PDIA3: variants seen among roughly 807,000 people sequenced by gnomAD.
The protein encoded by PDIA3 is protein disulfide isomerase family A member 3, also known as protein disulfide-isomerase A3.
PDIA3 carries 16 observed loss-of-function variants against 56.9 expected under a neutral mutation model. The observed-to-expected ratio is 0.28, with a 90% CI of 0.19 to 0.43. The LOEUF (loss-of-function observed/expected upper bound fraction) is 0.43. Among genes scored for constraint, PDIA3 ranks in the 20% least tolerant of loss-of-function variants. The probability of loss-of-function intolerance (pLI) is 1.00; values close to 1 mark genes in which losing one functional copy is unlikely to be tolerated. For synonymous variants in PDIA3, 192 were observed against 216.5 expected (o/e 0.89, Z 0.99); for missense variants, 485 against 621.3 (o/e 0.78, Z 2.33).
At position 43,765,970 on chromosome 15, in the gene PDIA3, A is replaced by G. The variant is rs2086845330; in HGVS notation, c.803A>G (p.Asp268Gly). ...TTACTTATTGCTTACTATGATGTGG[A>G]CTATGAAAAGAACGCTAAAGGTTCC... Reference protein sequence around the residue: ...KDLLIAYYDVDYEKNAKGSNY... With the variant: ...KDLLIAYYDVGYEKNAKGSNY... Residue 268 changes from aspartate to glycine, a missense_variant, in exon 7 of 13, where the codon GAC becomes GGC. Transcript: ENST00000300289. 1 of 1,613,448 alleles carries G rather than the reference A, an allele frequency of 6.2e-7. No homozygotes were observed. Among genetic ancestry groups the G allele is most frequent in the Admixed American group, 1.7e-5 (1 of 59,966 alleles).
Position 43,773,210 on chromosome 15 carries a change from CTG to C in PDIA3, c.*1994_*1995del. 1 of 1,613,962 alleles carries C rather than the reference CTG, an allele frequency of 6.2e-7. No homozygotes were observed. Among genetic ancestry groups the C allele is most frequent in the Non-Finnish European group, 8.5e-7 (1 of 1,179,976 alleles). ...GTACTCACAGCGACGCTTTTCTTCT[CTG>C]TAACTTGGGTACTGCTGCAGAGAAA... On this transcript the variant is annotated 3_prime_UTR_variant, in exon 13 of 13. Transcript: ENST00000300289.
intron 1 of PDIA3, among the ~76,000 whole-genome samples, chr15:43,753,139 G>A (rs1407222004): frequency 2.0e-5 from 3 of 150,280 alleles, no homozygotes; most frequent in African/African-American, 7.4e-5. Flanking sequence ...GTGCAGTGGC[G>A]CGATGTCAGC....
Position 43,769,756 on chromosome 15 carries a change from T to C in PDIA3, c.1266+110T>C, listed in dbSNP as rs1448996011. 25 of 1,187,398 alleles carry C rather than the reference T, an allele frequency of 2.1e-5. No homozygotes were observed. In the African/African-American group the frequency reaches 2.4e-4, roughly 11 times the overall value. 73.6% of individuals were successfully genotyped at this position (1,187,398 alleles called of 1,614,324 possible). On this transcript the variant is annotated intron_variant, in intron 10 of 12. Transcript: ENST00000300289. ...GTTCCTAAGTACTGATAGATTTTTT[T>C]CCCAATTACTTGCTGTTTACTCACT...
rs966045103 is a variant in PDIA3, at chr15:43,760,859, C to T, written c.365-565C>T. Among the ~76,000 whole-genome samples the T allele has an allele frequency of 5.3e-5, 8 of 151,116 alleles. No individual in the cohort carries two copies. The South Asian group carries it at 1.0e-3, about 20-fold the overall frequency. On this transcript the variant is annotated intron_variant, in intron 3 of 12. Coordinates refer to ENST00000300289, the MANE Select transcript of PDIA3 (RefSeq NM_005313.5). Reference sequence around the variant, plus strand: ...AAAACTTTTTAATAATAATAAAAAACGCTATGCCACTGTAATAAAAGGTTG... The same window carrying T: ...AAAACTTTTTAATAATAATAAAAAATGCTATGCCACTGTAATAAAAGGTTG...
At chr15:43,765,374 C>A in intron 5 of PDIA3, 76 bp from the exon 6 acceptor site, 1 of 846,568 alleles carries the variant, frequency 1.2e-6, no homozygotes, top group Non-Finnish European at 2.0e-6. Context: ...GAGCGAAACC[C>A]TATCTCAAAA....
chr15:43,748,755 T>G (rs555147259), intron 1 of PDIA3, among the ~76,000 whole-genome samples: 354 of 147,164 alleles, frequency 2.4e-3, no homozygotes, highest in Non-Finnish European at 3.4e-3. Flanking sequence ...TACATTTTTT[T>G]TGTGTGTGTG....
rs766591422 is a variant in PDIA3 at position 43,773,198 on chromosome 15, C to T, written c.*1980C>T. 1.4e-5 allele frequency: 22 copies of T among 1,613,764 alleles called. No homozygotes were observed. The Admixed American group carries it at 1.8e-4, about 13-fold the overall frequency. On this transcript the variant is annotated 3_prime_UTR_variant, in exon 13 of 13. Coordinates refer to ENST00000300289, the MANE Select transcript of PDIA3 (RefSeq NM_005313.5). ...TTTCTGGTGAAGGTACTCACAGCGA[C>T]GCTTTTCTTCTCTGTAACTTGGGTA...
At chr15:43,768,326 C>T (rs748397715) in intron 8 of PDIA3, among the ~76,000 whole-genome samples, 163 bp from the exon 9 acceptor site, 3 of 152,154 alleles carry the variant, frequency 2.0e-5, no homozygotes, top group Admixed American at 6.6e-5. Flanking sequence ...ATAAAAGGAA[C>T]GGTTTGTTTC....
rs755068546 is a variant in PDIA3, at chr15:43,763,093, A to C, written c.489A>C (p.Ser163=). Reference sequence around the variant, plus strand: ...TCTGTATAGGTTTTTTCGATGATTCATTCAGTGAGGCTCACTCCGAGTTCC... The same window carrying C: ...TCTGTATAGGTTTTTTCGATGATTCCTTCAGTGAGGCTCACTCCGAGTTCC... ...DASIVGFFDD[S]FSEAHSEFLK... The change falls in exon 5 of 13, where the codon TCA becomes TCC. Residue 163 remains serine, a synonymous_variant. Transcript: ENST00000300289. The C allele has an allele frequency of 6.2e-7, 1 of 1,613,844 alleles. No individual in the cohort carries two copies. The highest frequency in any genetic ancestry group is 1.3e-5 in the African/African-American group (1 of 74,920).
At chr15:43,751,126 C>T (rs949385933) in intron 1 of PDIA3, among the ~76,000 whole-genome samples, 84 of 106,010 alleles carry the variant, frequency 7.9e-4, no homozygotes, top group Non-Finnish European at 1.2e-3. Flanking sequence ...AGCAAGACTC[C>T]GTCTCGAAAA....
chr15:43,751,474 G>A, intron 1 of PDIA3: 1 of 617,370 alleles, frequency 1.6e-6, no homozygotes. Flanking sequence ...CCTGAGGATA[G>A]ATAGAATTAA....
chr15:43,770,663 A>G (rs370861415), intron 12 of PDIA3, 83 bp downstream of exon 12: 6 of 907,842 alleles, frequency 6.6e-6, no homozygotes, highest in South Asian at 4.4e-5. Flanking sequence ...AATTGGGTTT[A>G]TTTATTTATT....
chr15:43,766,117 G>T (rs2086846345), intron 7 of PDIA3, 105 bp downstream of exon 7: 2 of 779,342 alleles, frequency 2.6e-6, no homozygotes, highest in African/African-American at 1.9e-5. Flanking sequence ...AACAATAAAT[G>T]GTTCCTTAAG....
chr15:43,746,571 G>A lies in PDIA3; in HGVS notation c.32G>A (p.Gly11Asp). MRLRRLALFP[G>D]VALLLAAARL... ...CTCCGCCGCCTAGCGCTGTTCCCGG[G>A]TGTGGCGCTGCTTCTTGCCGCGGCC... Residue 11 changes from glycine (G) to aspartate (D), a missense_variant, in exon 1 of 13, where the codon GGT becomes GAT. Coordinates refer to ENST00000300289, the MANE Select transcript of PDIA3 (RefSeq NM_005313.5). The A allele has an allele frequency of 3.7e-6, 6 of 1,611,548 alleles. No individual in the cohort carries two copies. The highest frequency in any genetic ancestry group is 5.1e-6 in the Non-Finnish European group (6 of 1,179,578).
intron 1 of PDIA3, among the ~76,000 whole-genome samples, chr15:43,748,248 C>T (rs2086719749): frequency 6.6e-6 from 1 of 152,142 alleles, no homozygotes; most frequent in Admixed American, 6.5e-5. Flanking sequence ...GAGGCCGAGG[C>T]AGGCGGATCA....
intron 1 of PDIA3, among the ~76,000 whole-genome samples, chr15:43,749,662 G>A (rs141263933): frequency 1.3e-5 from 2 of 152,150 alleles, no homozygotes; most frequent in Admixed American, 6.5e-5. Context: ...ACGTGGTGGC[G>A]CACATCTGTA....
At chr15:43,765,765 A>T in intron 6 of PDIA3, 122 bp from the exon 7 acceptor site, 1 of 1,080,458 alleles carries the variant, frequency 9.3e-7, no homozygotes, top group Non-Finnish European at 1.4e-6. Context: ...TATATTGCTC[A>T]GTACTTGTTC....
chr15:43,770,294 A>G lies in PDIA3; in HGVS notation c.1311A>G (p.Thr437=). ...TCGTCATAGCCAAGATGGATGCCAC[A>G]GCCAATGATGTGCCTTCTCCATATG... The part of the protein sequence containing the change: ...PNIVIAKMDA[T]ANDVPSPYEV... Residue 437 remains threonine (T), a synonymous_variant, in exon 11 of 13, where the codon ACA becomes ACG. Coordinates refer to ENST00000300289, the MANE Select transcript of PDIA3 (RefSeq NM_005313.5). 1.9e-6 allele frequency: 3 copies of G among 1,614,192 alleles called. No homozygotes were observed. Among genetic ancestry groups the G allele is most frequent in the Non-Finnish European group, 2.5e-6 (3 of 1,179,992 alleles).
intron 3 of PDIA3, among the ~76,000 whole-genome samples, chr15:43,757,383 C>A (rs2086785216): frequency 6.6e-6 from 1 of 151,868 alleles, no homozygotes; most frequent in Non-Finnish European, 1.5e-5. Flanking sequence ...ACAGTGAAAC[C>A]CCATCTCTAC....
Sources: allele counts gnomAD v4.1 joint callset (sites outside exome capture counted in the v4.1 genomes callset), GRCh38; gene constraint gnomAD v4.1.1; transcripts MANE v1.5; gene names NCBI Gene and HGNC (gene_info 2026-07-23, HGNC 2026-07-21).